Variants in PARD3B observed in about 807,000 individuals in gnomAD.
The protein encoded by PARD3B is partitioning defective 3 homolog B.
PARD3B carries 103 observed loss-of-function variants against 130.2 expected under a neutral mutation model. The ratio of observed to expected loss-of-function variants is 0.79; its 90% confidence interval spans 0.67 to 0.93. PARD3B has a LOEUF of 0.93. PARD3B is among the 40% of genes least tolerant of loss of function. The probability of loss-of-function intolerance (pLI) is 0.00; values close to 1 mark genes in which losing one functional copy is unlikely to be tolerated. For missense variants in PARD3B, 1,609 were observed against 1,499.2 expected (o/e 1.07, Z -1.21); for synonymous variants, 583 against 553.2 (o/e 1.05, Z -0.76).
At chr2:205,576,333 T>A (rs1219243463) in intron 22 of PARD3B, among the ~76,000 whole-genome samples, 1 of 150,846 alleles carries the variant, frequency 6.6e-6, no homozygotes, top group Non-Finnish European at 1.5e-5. Flanking sequence ...TTTTTTTTCA[T>A]GGATTGTGAC....
At chr2:205,532,989 T>C (rs2106435624) in intron 21 of PARD3B, among the ~76,000 whole-genome samples, 1 of 152,342 alleles carries the variant, frequency 6.6e-6, no homozygotes, top group African/African-American at 2.4e-5. Flanking sequence ...GTTCTGCTTT[T>C]GCCAGGAGGA....
intron 2 of PARD3B, among the ~76,000 whole-genome samples, chr2:204,946,805 C>G (rs993554846): frequency 6.6e-6 from 1 of 152,126 alleles, no homozygotes; most frequent in Non-Finnish European, 1.5e-5. Context: ...AGCCTGAGTA[C>G]CAGGAGATCT....
rs553185827 is a variant in PARD3B at position 205,312,581 on chromosome 2, G to A, written c.2630+10880G>A. ...CTCCATGGTTATCTACAATTACAGAGGAAAAGAAATCGATGCTAAACCATG... is the reference window on the plus strand; with the variant it reads ...CTCCATGGTTATCTACAATTACAGAAGAAAAGAAATCGATGCTAAACCATG... On this transcript the variant is annotated intron_variant, in intron 18 of 22. Coordinates refer to ENST00000406610, the MANE Select transcript of PARD3B (RefSeq NM_001302769.2). 1.2e-4 allele frequency among the ~76,000 whole-genome samples: 18 copies of A among 152,256 alleles called. No homozygotes were observed. The East Asian group carries it at 2.9e-3, about 24-fold the overall frequency.
intron 3 of PARD3B, among the ~76,000 whole-genome samples, chr2:205,001,773 T>C (rs1023908550): frequency 5.9e-5 from 9 of 152,156 alleles, no homozygotes; most frequent in African/African-American, 2.2e-4. Context: ...GGTTGCACAA[T>C]ACCCAGCACT....
At chr2:204,889,036 A>G (rs942337301) in intron 2 of PARD3B, among the ~76,000 whole-genome samples, 5 of 152,150 alleles carry the variant, frequency 3.3e-5, no homozygotes, top group East Asian at 1.9e-4. Flanking sequence ...TAGAGGTGCT[A>G]TTGCTGGACT....
chr2:205,231,627 G>C (rs2038843188), intron 15 of PARD3B, among the ~76,000 whole-genome samples: 1 of 151,478 alleles, frequency 6.6e-6, no homozygotes, highest in Non-Finnish European at 1.5e-5. Flanking sequence ...GTGAACCACT[G>C]CACCCAGCCA....
chr2:204,997,053 C>T (rs1207435417), intron 3 of PARD3B, among the ~76,000 whole-genome samples: 1 of 152,158 alleles, frequency 6.6e-6, no homozygotes, highest in African/African-American at 2.4e-5. Context: ...GCGTCGCTCA[C>T]GCTGGGAGCT....
At chr2:204,722,027 A>C (rs2039020559) in intron 2 of PARD3B, among the ~76,000 whole-genome samples, 1 of 152,154 alleles carries the variant, frequency 6.6e-6, no homozygotes, top group Non-Finnish European at 1.5e-5. Context: ...TAAGTGGTGA[A>C]AAAATGATAC....
chr2:205,134,995 G>T (rs973236025), intron 10 of PARD3B, among the ~76,000 whole-genome samples: 4 of 151,694 alleles, frequency 2.6e-5, no homozygotes, highest in Middle Eastern at 3.4e-3. Flanking sequence ...GTCTTGCAAA[G>T]TTAACAGTGA....
intron 20 of PARD3B, among the ~76,000 whole-genome samples, chr2:205,441,847 G>T (rs1224405210): frequency 6.6e-6 from 1 of 152,114 alleles, no homozygotes; most frequent in Admixed American, 6.5e-5. Flanking sequence ...CAGGCATCCA[G>T]GTTGATAATA....
intron 1 of PARD3B, among the ~76,000 whole-genome samples, chr2:204,654,264 A>C (rs1303956158): frequency 6.6e-6 from 1 of 151,166 alleles, no homozygotes; most frequent in African/African-American, 2.5e-5. Flanking sequence ...CTGAGGGGGG[A>C]AACGAAGAAA....
intron 2 of PARD3B, among the ~76,000 whole-genome samples, chr2:204,865,444 C>G (rs754198353): frequency 1.2e-4 from 18 of 152,184 alleles, no homozygotes; most frequent in Non-Finnish European, 4.4e-5. Context: ...CCATGGAATA[C>G]TACTCAGCTA....
At chr2:204,985,177 T>TCCTC (rs1378274343) in intron 3 of PARD3B, among the ~76,000 whole-genome samples, 3 of 151,980 alleles carry the variant, frequency 2.0e-5, no homozygotes, top group African/African-American at 7.2e-5. Context: ...TTTCCTTACA[T>TCCTC]CCTCCTTCCT....
chr2:205,399,485 A>G (rs62171547), intron 18 of PARD3B, among the ~76,000 whole-genome samples: 108,536 of 150,824 alleles, frequency 0.72, 43,677 homozygotes, highest in East Asian at 0.98. Flanking sequence ...CTTCTGAGTA[A>G]CTGGGACTAC....
At chr2:204,978,065 C>T (rs1373958327) in intron 3 of PARD3B, among the ~76,000 whole-genome samples, 3 of 152,112 alleles carry the variant, frequency 2.0e-5, no homozygotes, top group Non-Finnish European at 4.4e-5. Flanking sequence ...CTGATCCTTC[C>T]TGATGGCTAC....
At chr2:204,720,132 G>A (rs2038927605) in intron 2 of PARD3B, among the ~76,000 whole-genome samples, 1 of 152,146 alleles carries the variant, frequency 6.6e-6, no homozygotes, top group Non-Finnish European at 1.5e-5. Context: ...TTGGTGTTTG[G>A]ATTAATTATA....
At chr2:204,685,154 G>T (rs1274124241) in intron 1 of PARD3B, among the ~76,000 whole-genome samples, 1 of 152,118 alleles carries the variant, frequency 6.6e-6, no homozygotes, top group African/African-American at 2.4e-5. Flanking sequence ...CCCTAATAAA[G>T]ATTTGTATGG....
intron 2 of PARD3B, among the ~76,000 whole-genome samples, chr2:204,790,367 C>T (rs2042158959): frequency 6.6e-6 from 1 of 152,170 alleles, no homozygotes; most frequent in South Asian, 2.1e-4. Flanking sequence ...TTTATAGTCT[C>T]TTCAATTGAA....
chr2:204,947,788 A>G (rs541308117), intron 2 of PARD3B, among the ~76,000 whole-genome samples: 3 of 152,312 alleles, frequency 2.0e-5, no homozygotes, highest in African/African-American at 7.2e-5. Context: ...ATCTACCGTG[A>G]GTTCTAAAGG....
Sources: allele counts gnomAD v4.1 joint callset (sites outside exome capture counted in the v4.1 genomes callset), GRCh38; gene constraint gnomAD v4.1.1; transcripts MANE v1.5; gene names NCBI Gene and HGNC (gene_info 2026-07-23, HGNC 2026-07-21).